Variants in TERB1 observed in about 807,000 individuals in gnomAD.
TERB1 encodes the protein telomere repeat binding bouquet formation protein 1, also known as telomere repeats-binding bouquet formation protein 1.
A neutral mutation model predicts 92.3 loss-of-function variants in TERB1; 63 were observed. The observed-to-expected ratio is 0.68, with a 90% confidence interval of 0.56 to 0.84. The LOEUF (loss-of-function observed/expected upper bound fraction) is 0.84, where lower values mean the gene tolerates loss of function less well. Ranked by LOEUF, TERB1 falls within the 40% of genes least tolerant of loss-of-function variation. The pLI, the probability that TERB1 is intolerant of heterozygous loss-of-function variation, is 0.00. For synonymous variants in TERB1, 252 were observed against 283.9 expected (o/e 0.89, Z 1.13); for missense variants, 709 against 843.7 (o/e 0.84, Z 1.98).
intron 3 of TERB1, among the ~76,000 whole-genome samples, chr16:66,794,912 A>ACACACACACAC (rs1252457237): frequency 9.7e-5 from 7 of 71,900 alleles, no homozygotes; most frequent in African/African-American, 2.4e-4. Context: ...TCCGTCTCAA[A>ACACACACACAC]AAAAAAAAAA....
At chr16:66,776,692 A>C (rs1324860810) in intron 11 of TERB1, among the ~76,000 whole-genome samples, 2 of 151,930 alleles carry the variant, frequency 1.3e-5, no homozygotes, top group African/African-American at 4.8e-5. Flanking sequence ...GAACAGAGGG[A>C]GAATGGGAGG....
intron 12 of TERB1, 88 bp from the exon 13 acceptor site, chr16:66,772,837 T>C: frequency 9.7e-7 from 1 of 1,026,600 alleles, no homozygotes; most frequent in Non-Finnish European, 1.4e-6. Context: ...CTCTCCTTTC[T>C]CTAAATTTTT....
In TERB1 at chr16:66,770,090, C is replaced by T. The variant is rs199591456; in HGVS notation, c.1492G>A (p.Ala498Thr). Residue 498 changes from alanine to threonine, a missense_variant, in exon 14 of 19, where the codon GCA (alanine) becomes ACA (threonine). Transcript: ENST00000433154. ...CTGTAACAAGCATGGACTGGATTTG[C>T]GCTCTTTAACGGTGTCTTCATTTGG... ...DDQMKTPLKS[A>T]NPVHACYRES... is the part of the protein sequence containing the mutation. The T allele has an allele frequency of 7.6e-5, 118 of 1,551,958 alleles. No homozygotes were observed. The South Asian group carries it at 9.3e-4, about 12-fold the overall frequency.
In TERB1 at chr16:66,759,349, T is replaced by A. The variant is rs1490328702; in HGVS notation, c.1781-59A>T. On this transcript the variant is annotated intron_variant, in intron 16 of 18. Coordinates refer to ENST00000433154, the MANE Select transcript of TERB1 (RefSeq NM_001136505.2). ...GTCACAAAATATCTAGTAACAAATC[T>A]ATGATAGCAAATATCTATATGATGG... is the stretch of plus-strand genomic sequence containing the variant. 3.0e-6 allele frequency: 4 copies of A among 1,318,972 alleles called. No individual in the cohort carries two copies. In the African/African-American group the frequency reaches 4.5e-5, roughly 15 times the overall value. The allele number at this position is 1,318,972 out of a possible 1,614,324, so 81.7% of individuals were successfully genotyped here.
intron 16 of TERB1, among the ~76,000 whole-genome samples, chr16:66,761,426 T>G (rs1218827599): frequency 8.2e-6 from 1 of 121,604 alleles, no homozygotes; most frequent in East Asian, 2.5e-4. Flanking sequence ...CACTCAAGCC[T>G]GGGTGACAGA....
intron 14 of TERB1, 163 bp downstream of exon 14, chr16:66,769,800 C>G (rs2018411717): frequency 1.6e-6 from 1 of 627,822 alleles, no homozygotes; most frequent in Admixed American, 3.0e-5. Context: ...CCATACCTCC[C>G]TGTCCAAACT....
intron 3 of TERB1, 113 bp from the exon 4 acceptor site, chr16:66,791,132 A>G (rs932210269): frequency 1.9e-6 from 1 of 524,792 alleles, no homozygotes; most frequent in African/African-American, 2.0e-5. Context: ...TTAAAGTAAT[A>G]GGCAGGTATT....
At chr16:66,796,724 C>T (rs1226064344) in intron 3 of TERB1, 44 bp downstream of exon 3, 7 of 1,367,946 alleles carry the variant, frequency 5.1e-6, no homozygotes, top group African/African-American at 2.9e-5. Context: ...TACATCCTAC[C>T]AATACAAAAC....
rs530182319 is a variant in TERB1 at position 66,796,246 on chromosome 16, AG to A, written c.31+521del. 1.4e-4 allele frequency among the ~76,000 whole-genome samples: 21 copies of A among 152,330 alleles called. No homozygotes were observed. The East Asian group carries it at 4.0e-3, about 29-fold the overall frequency. ...CCTCAGCTGTGGCATTTGACATTTTAGGCTCTTAAGCAACCTCTTTCTCATG... is the reference window on the plus strand; with the variant it reads ...CCTCAGCTGTGGCATTTGACATTTTAGCTCTTAAGCAACCTCTTTCTCATG... On this transcript the variant is annotated intron_variant, in intron 3 of 18. Coordinates refer to ENST00000433154, the MANE Select transcript of TERB1 (RefSeq NM_001136505.2).
intron 16 of TERB1, among the ~76,000 whole-genome samples, chr16:66,763,233 G>A (rs140505728): frequency 2.6e-5 from 4 of 151,928 alleles, no homozygotes; most frequent in East Asian, 3.9e-4. Flanking sequence ...AGCCTCCCAC[G>A]TAGCTGGAAC....
rs569752860 is a variant in TERB1 at position 66,755,638 on chromosome 16, G to A, written c.1997-475C>T. Among the ~76,000 whole-genome samples, 18 of 152,150 alleles carry A rather than the reference G, an allele frequency of 1.2e-4. No individual in the cohort carries two copies. The South Asian group carries it at 1.2e-3, about 11-fold the overall frequency. ...AAAAATACAAAAAGTAGCCAGGCATGGTGGCACGTGACTGTAGTCCCAGCT... is the reference window on the plus strand; with the variant it reads ...AAAAATACAAAAAGTAGCCAGGCATAGTGGCACGTGACTGTAGTCCCAGCT... On this transcript the variant is annotated intron_variant, in intron 18 of 18. Transcript: ENST00000433154.
intron 17 of TERB1, 142 bp downstream of exon 17, chr16:66,758,999 C>T: frequency 3.2e-6 from 3 of 931,182 alleles, no homozygotes; most frequent in South Asian, 1.7e-5. Context: ...TCCCTGGGTA[C>T]ATCTTCAATT....
chr16:66,777,345 A>G lies in TERB1; in HGVS notation c.854-11T>C, dbSNP rs1026809784. ...CTATCCCAAAAGTAGCTATTAGTAT[A>G]AAATAGGAAAAAAAGATAGTACAAA... On this transcript the variant is annotated splice_polypyrimidine_tract_variant and intron_variant, in intron 10 of 18. Coordinates refer to ENST00000433154, the MANE Select transcript of TERB1 (RefSeq NM_001136505.2). 2 of 1,500,494 alleles carry G rather than the reference A, an allele frequency of 1.3e-6. No homozygotes were observed. The highest frequency in any genetic ancestry group is 2.8e-5 in the African/African-American group (2 of 71,478). 92.9% of individuals were successfully genotyped at this position (1,500,494 alleles called of 1,614,324 possible).
At chr16:66,773,654 T>G (rs1272658179) in intron 12 of TERB1, among the ~76,000 whole-genome samples, 1 of 152,240 alleles carries the variant, frequency 6.6e-6, no homozygotes, top group Admixed American at 6.5e-5. Flanking sequence ...ATGCCTTTTC[T>G]GCTCCACGTC....
At chr16:66,781,274 C>T (rs2018631447) in intron 9 of TERB1, among the ~76,000 whole-genome samples, 1 of 152,144 alleles carries the variant, frequency 6.6e-6, no homozygotes, top group Non-Finnish European at 1.5e-5. Context: ...CCAGTCTGGT[C>T]TCAAACTCCT....
Position 66,770,003 on chromosome 16 carries a change from C to T in TERB1, c.1579G>A (p.Glu527Lys), listed in dbSNP as rs1399785623. 6.4e-7 allele frequency: 1 copy of T among 1,551,166 alleles called. No individual in the cohort carries two copies. Among genetic ancestry groups the T allele is most frequent in the Non-Finnish European group, 8.7e-7 (1 of 1,146,870 alleles). ...AKSSCNQNLH[E>K]ETTFEKNFVS... is the part of the protein sequence containing the mutation. Reference sequence around the variant, plus strand: ...AAATTCTTTTCAAAAGTAGTTTCTTCATGTAAGTTTTGATTGCAGCTTGAC... The same window carrying T: ...AAATTCTTTTCAAAAGTAGTTTCTTTATGTAAGTTTTGATTGCAGCTTGAC... Residue 527 changes from glutamate to lysine, a missense_variant, in exon 14 of 19, where the codon GAA becomes AAA. Glu to Lys is a moderately conservative substitution (Grantham distance 56). Transcript: ENST00000433154.
In TERB1 at chr16:66,760,130, CAAAA is replaced by C. The variant is rs148772308; in HGVS notation, c.1781-844_1781-841del. Among the ~76,000 whole-genome samples, 42 of 23,388 alleles carry C rather than the reference CAAAA, an allele frequency of 1.8e-3. No homozygotes were observed. The East Asian group carries it at 0.023, about 13-fold the overall frequency. The allele number at this position is 23,388 out of a possible 152,430, so 15.3% of individuals were successfully genotyped here. A position where few individuals can be genotyped will look rare whatever the true frequency, so the allele number is the denominator to read the frequency against. ...TGGGTGACAGAGCGAGACTCCATCT[CAAAA>C]AAAAAAAAAAAAAAGAAAAGAAAAG... On this transcript the variant is annotated intron_variant, in intron 16 of 18. Coordinates refer to ENST00000433154, the MANE Select transcript of TERB1 (RefSeq NM_001136505.2).
chr16:66,762,051 C>CA lies in TERB1; in HGVS notation c.1781-2762dup, dbSNP rs986967839. On this transcript the variant is annotated intron_variant, in intron 16 of 18. Transcript: ENST00000433154. ...CTGGCGACAGAGTGAGACTCTATCT[C>CA]AAAAAAAAGAAAAAGGAATATCTAG... Among the ~76,000 whole-genome samples, 29 of 151,620 alleles carry CA rather than the reference C, an allele frequency of 1.9e-4. No homozygotes were observed. In the East Asian group the frequency reaches 2.3e-3, roughly 12 times the overall value.
At position 66,777,303 on chromosome 16, in the gene TERB1, G is replaced by C; in HGVS notation, c.885C>G (p.His295Gln). Residue 295 changes from histidine (H) to glutamine (Q), a missense_variant, in exon 11 of 19, where the codon CAC becomes CAG. By Grantham distance (24) the His-to-Gln change is conservative (BLOSUM62 0). Coordinates refer to ENST00000433154, the MANE Select transcript of TERB1 (RefSeq NM_001136505.2). ...PTFGIVLSKY[H>Q]IVSKLLALLL... ...GTAATGCCAGAAGTTTAGAAACAAT[G>C]TGGTACTTGGAGAGTACTATCCCAA... The C allele has an allele frequency of 6.5e-7, 1 of 1,548,274 alleles. No homozygotes were observed. Among genetic ancestry groups the C allele is most frequent in the Non-Finnish European group, 8.7e-7 (1 of 1,144,234 alleles).
Sources: gnomAD v4.1 joint callset for allele counts (sites outside exome capture counted in the v4.1 genomes callset) on GRCh38, gnomAD v4.1.1 for gene constraint, MANE v1.5 for transcripts, NCBI Gene and HGNC (gene_info 2026-07-23, HGNC 2026-07-21) for gene names.